OXR1: variants seen among roughly 807,000 people sequenced by gnomAD.
OXR1 encodes oxidation resistance protein 1.
OXR1 carries 41 observed loss-of-function variants against 104.6 expected under a neutral mutation model. The ratio of observed to expected loss-of-function variants is 0.39; its 90% CI spans 0.31 to 0.51. The LOEUF (loss-of-function observed/expected upper bound fraction) is 0.51, where lower values mean the gene tolerates loss of function less well. OXR1 is among the 20% of genes least tolerant of loss of function. The pLI is 0.77. For synonymous variants in OXR1, 348 were observed against 348.4 expected, an observed-to-expected ratio of 1.00 and a Z score of 0.01; for missense variants, 955 against 1,031.9, an observed-to-expected ratio of 0.93 and a Z score of 1.02.
intron 2 of OXR1, among the ~76,000 whole-genome samples, chr8:106,504,473 T>C (rs769415822): frequency 4.6e-5 from 7 of 152,206 alleles, no homozygotes; most frequent in Non-Finnish European, 8.8e-5. Context: ...TACAGGGCAC[T>C]GAAGGCTCAA....
chr8:106,750,323 T>C (rs1784471), intron 16 of OXR1, among the ~76,000 whole-genome samples: 55,658 of 121,610 alleles, frequency 0.46, 12,153 homozygotes, highest in Admixed American at 0.59. Flanking sequence ...TCTTTTCTTT[T>C]CTTTTTTTTT....
chr8:106,487,764 C>A (rs1169472458), intron 2 of OXR1, among the ~76,000 whole-genome samples: 10 of 151,084 alleles, frequency 6.6e-5, no homozygotes, highest in South Asian at 6.3e-4. Context: ...ATCATTTTTT[C>A]TGGCTGCATA....
intron 2 of OXR1, among the ~76,000 whole-genome samples, chr8:106,378,667 G>T (rs1817007309): frequency 6.6e-6 from 1 of 152,046 alleles, no homozygotes; most frequent in Admixed American, 6.6e-5. Flanking sequence ...GTGCCACCAC[G>T]CCTGGCTAAT....
intron 3 of OXR1, among the ~76,000 whole-genome samples, chr8:106,665,073 AT>A (rs1826140230): frequency 6.6e-6 from 1 of 152,220 alleles, no homozygotes; most frequent in African/African-American, 2.4e-5. Flanking sequence ...AGAAAGATTA[AT>A]AAAGACAAGA....
intron 7 of OXR1, among the ~76,000 whole-genome samples, chr8:106,696,818 G>A (rs768820926): frequency 6.6e-6 from 1 of 151,622 alleles, no homozygotes; most frequent in South Asian, 2.1e-4. Flanking sequence ...CTCCCTCTCC[G>A]TCCCCTCACC....
At chr8:106,484,754 G>A (rs1213445070) in intron 2 of OXR1, among the ~76,000 whole-genome samples, 1 of 151,862 alleles carries the variant, frequency 6.6e-6, no homozygotes, top group Non-Finnish European at 1.5e-5. Context: ...TTGGGGGACA[G>A]TTTGGTGTTT....
At chr8:106,431,670 T>C (rs933951026) in intron 2 of OXR1, among the ~76,000 whole-genome samples, 3 of 152,246 alleles carry the variant, frequency 2.0e-5, no homozygotes, top group Non-Finnish European at 4.4e-5. Context: ...TTTGCAGCTT[T>C]AACAGCACCT....
intron 1 of OXR1, among the ~76,000 whole-genome samples, chr8:106,289,461 T>G (rs1323366983): frequency 6.6e-6 from 1 of 151,814 alleles, no homozygotes; most frequent in Non-Finnish European, 1.5e-5. Flanking sequence ...ACCAAGGAGG[T>G]GGAAGACTTC....
chr8:106,345,307 A>T (rs1815433493), intron 1 of OXR1, among the ~76,000 whole-genome samples: 1 of 152,236 alleles, frequency 6.6e-6, no homozygotes, highest in African/African-American at 2.4e-5. Context: ...GGCAGGAATT[A>T]AAGCTGGTTA....
rs529122766 is a variant in OXR1 at position 106,535,055 on chromosome 8, C to T, written c.220+15916C>T. Among the ~76,000 whole-genome samples the T allele has an allele frequency of 8.1e-4, 123 of 152,226 alleles. 1 individual carries two copies. The highest frequency in any genetic ancestry group is 1.2e-3 in the Non-Finnish European group (85 of 68,012). ...TCAGCTCACTGCAAGCTCCGCCTCC[C>T]GGGTTCACACCATTCTCCTGCCTCA... On this transcript the variant is annotated intron_variant, in intron 3 of 16. Transcript: ENST00000517566.
intron 3 of OXR1, among the ~76,000 whole-genome samples, chr8:106,530,252 A>G (rs539505014): frequency 6.6e-6 from 1 of 151,904 alleles, no homozygotes; most frequent in African/African-American, 2.4e-5. Context: ...ATTTTTTTTA[A>G]TTTGCTTTTC....
chr8:106,636,857 C>T (rs897016611), intron 3 of OXR1, among the ~76,000 whole-genome samples: 1 of 152,132 alleles, frequency 6.6e-6, no homozygotes, highest in Non-Finnish European at 1.5e-5. Flanking sequence ...GTGACAGGCT[C>T]CCTATTTATA....
chr8:106,319,910 G>A (rs1381920420), intron 1 of OXR1, among the ~76,000 whole-genome samples: 1 of 152,186 alleles, frequency 6.6e-6, no homozygotes, highest in Non-Finnish European at 1.5e-5. Flanking sequence ...AGTCCTGTGG[G>A]TGGTTATGGT....
intron 2 of OXR1, among the ~76,000 whole-genome samples, chr8:106,387,076 C>T (rs1406785550): frequency 6.6e-6 from 1 of 152,058 alleles, no homozygotes. Context: ...ACTGGCCTAA[C>T]TTAAGAAATT....
chr8:106,374,092 T>C (rs1816814644), intron 2 of OXR1, among the ~76,000 whole-genome samples: 1 of 152,188 alleles, frequency 6.6e-6, no homozygotes, highest in Admixed American at 6.5e-5. Context: ...AAACATTACA[T>C]AATTGCCTAG....
At chr8:106,294,418 A>T (rs1812899344) in intron 1 of OXR1, among the ~76,000 whole-genome samples, 1 of 151,202 alleles carries the variant, frequency 6.6e-6, no homozygotes, top group Non-Finnish European at 1.5e-5. Context: ...AAAAAAAAGA[A>T]AGAAAGAAAT....
At chr8:106,657,860 T>C (rs1005433759) in intron 3 of OXR1, 2 of 1,240,664 alleles carry the variant, frequency 1.6e-6, no homozygotes, top group Admixed American at 4.2e-5. Flanking sequence ...CCCCGCCTCT[T>C]GTGAGGCGCG....
At chr8:106,587,148 T>C (rs959558814) in intron 3 of OXR1, among the ~76,000 whole-genome samples, 1 of 152,134 alleles carries the variant, frequency 6.6e-6, no homozygotes, top group African/African-American at 2.4e-5. Flanking sequence ...AGATTGTCTC[T>C]GAATAGGTGA....
chr8:106,647,924 A>G (rs1824221970), intron 3 of OXR1, among the ~76,000 whole-genome samples: 1 of 152,218 alleles, frequency 6.6e-6, no homozygotes, highest in South Asian at 2.1e-4. Context: ...TAGCCTTATA[A>G]TGAGAACACA....
Sources: allele counts gnomAD v4.1 joint callset (sites outside exome capture counted in the v4.1 genomes callset), GRCh38; gene constraint gnomAD v4.1.1; transcripts MANE v1.5; gene names NCBI Gene and HGNC (gene_info 2026-07-23, HGNC 2026-07-21).